Variants in ALCAM observed in about 807,000 individuals in gnomAD.
ALCAM encodes activated leukocyte cell adhesion molecule.
A neutral mutation model predicts 70.9 loss-of-function variants in ALCAM; 30 were observed. The observed-to-expected ratio is 0.42, with a 90% CI of 0.32 to 0.57. ALCAM has a LOEUF of 0.57. Among genes scored for constraint, ALCAM ranks in the 20% least tolerant of loss-of-function variants. The probability of loss-of-function intolerance (pLI) is 0.11; values close to 1 mark genes in which losing one functional copy is unlikely to be tolerated. For synonymous variants in ALCAM, 249 were observed against 242.5 expected (o/e 1.03, Z -0.25); for missense variants, 591 against 695.1 (o/e 0.85, Z 1.68).
intron 1 of ALCAM, among the ~76,000 whole-genome samples, chr3:105,489,386 TTATG>T (rs1338409263): frequency 1.3e-5 from 2 of 152,156 alleles, no homozygotes; most frequent in East Asian, 3.8e-4. Flanking sequence ...AAAAGCAAAT[TTATG>T]TATACCATAA....
At chr3:105,499,718 T>A (rs984210468) in intron 1 of ALCAM, among the ~76,000 whole-genome samples, 1 of 152,198 alleles carries the variant, frequency 6.6e-6, no homozygotes, top group Non-Finnish European at 1.5e-5. Flanking sequence ...GGGTAAACAT[T>A]AGCAGGGATG....
At chr3:105,498,706 T>TG (rs1938834880) in intron 1 of ALCAM, among the ~76,000 whole-genome samples, 1 of 152,176 alleles carries the variant, frequency 6.6e-6, no homozygotes, top group African/African-American at 2.4e-5. Context: ...AGGAATCTAG[T>TG]AAAACATTCC....
chr3:105,548,772 G>T (rs1940315803), intron 11 of ALCAM, among the ~76,000 whole-genome samples: 2 of 151,480 alleles, frequency 1.3e-5, no homozygotes, highest in Non-Finnish European at 3.0e-5. Context: ...CAGTTTTCTT[G>T]ATTTGGAATA....
chr3:105,443,284 AT>A (rs919397161), intron 1 of ALCAM, among the ~76,000 whole-genome samples: 1 of 152,032 alleles, frequency 6.6e-6, no homozygotes, highest in Non-Finnish European at 1.5e-5. Flanking sequence ...TAAATTATAT[AT>A]TTTTTCTAAC....
chr3:105,495,450 A>C (rs200511005), intron 1 of ALCAM, among the ~76,000 whole-genome samples: 3 of 151,032 alleles, frequency 2.0e-5, no homozygotes, highest in Non-Finnish European at 4.4e-5. Context: ...CAAAAAAAAA[A>C]CAAAACAAAA....
At chr3:105,396,079 A>C (rs73177488) in intron 1 of ALCAM, among the ~76,000 whole-genome samples, 38,828 of 151,814 alleles carry the variant, frequency 0.26, 5,219 homozygotes, top group African/African-American at 0.33. Context: ...AATAAAGTAG[A>C]CTGGGCAAGC....
chr3:105,505,480 T>C (rs907735523), intron 1 of ALCAM, among the ~76,000 whole-genome samples: 2 of 152,150 alleles, frequency 1.3e-5, no homozygotes, highest in African/African-American at 4.8e-5. Context: ...CAGGCCCCTC[T>C]TCCAGCATTG....
intron 1 of ALCAM, among the ~76,000 whole-genome samples, chr3:105,429,103 T>A (rs1423003773): frequency 6.6e-6 from 1 of 151,994 alleles, no homozygotes; most frequent in Non-Finnish European, 1.5e-5. Context: ...CCATTTAAAA[T>A]TTTTTAAACT....
intron 1 of ALCAM, among the ~76,000 whole-genome samples, chr3:105,463,503 G>GTATGTTAAA (rs1212048310): frequency 2.5e-4 from 38 of 151,364 alleles, no homozygotes; most frequent in Non-Finnish European, 4.9e-4. Context: ...ACTTTCTTAA[G>GTATGTTAAA]GCATTTTGGT....
chr3:105,448,449 A>G (rs1937347149), intron 1 of ALCAM, among the ~76,000 whole-genome samples: 1 of 151,366 alleles, frequency 6.6e-6, no homozygotes, highest in Non-Finnish European at 1.5e-5. Flanking sequence ...TTTTTCAGCC[A>G]ACAGCTCTGT....
At chr3:105,568,189 A>T (rs1405876683) in intron 14 of ALCAM, among the ~76,000 whole-genome samples, 1 of 151,576 alleles carries the variant, frequency 6.6e-6, no homozygotes, top group East Asian at 1.9e-4. Flanking sequence ...CAGCCTCCCA[A>T]GTAGCTGGGA....
Position 105,489,524 on chromosome 3 carries a change from A to G in ALCAM, c.74-30543A>G, listed in dbSNP as rs79501684. ...TAGTTATGATCACATATCATCAAAA[A>G]TAGGATAGATTATATTCAACATATT... On this transcript the variant is annotated intron_variant, in intron 1 of 15. Coordinates refer to ENST00000306107, the MANE Select transcript of ALCAM (RefSeq NM_001627.4). Among the ~76,000 whole-genome samples, 1,354 of 152,326 alleles carry G rather than the reference A, an allele frequency of 8.9e-3. 16 individuals carry two copies. Among genetic ancestry groups the G allele is most frequent in the African/African-American group, 0.015 (612 of 41,578 alleles).
rs550514557 is a variant in ALCAM at position 105,396,604 on chromosome 3, G to A, written c.73+29123G>A. On this transcript the variant is annotated intron_variant, in intron 1 of 15. Coordinates refer to ENST00000306107, the MANE Select transcript of ALCAM (RefSeq NM_001627.4). Reference sequence around the variant, plus strand: ...ATTAATTTCTAGTAGATTTAATGAAGTTTTGGACATTCTTCAGCAATATCT... The same window carrying A: ...ATTAATTTCTAGTAGATTTAATGAAATTTTGGACATTCTTCAGCAATATCT... 3.3e-5 allele frequency among the ~76,000 whole-genome samples: 5 copies of A among 152,100 alleles called. No individual in the cohort carries two copies. The South Asian group carries it at 1.0e-3, about 32-fold the overall frequency.
At position 105,369,448 on chromosome 3, in the gene ALCAM, G is replaced by A. The variant is rs934298806; in HGVS notation, c.73+1967G>A. On this transcript the variant is annotated intron_variant, in intron 1 of 15. Transcript: ENST00000306107. ...AATCTGAGGATCCGATATCGGCCCT[G>A]GACCCTCAGATCCGTGGTTTCGGTG... is the stretch of plus-strand genomic sequence containing the variant. Among the ~76,000 whole-genome samples the A allele has an allele frequency of 2.0e-5, 3 of 152,296 alleles. No homozygotes were observed. The South Asian group carries it at 6.2e-4, about 32-fold the overall frequency.
At chr3:105,465,316 T>C (rs1937686056) in intron 1 of ALCAM, among the ~76,000 whole-genome samples, 1 of 151,452 alleles carries the variant, frequency 6.6e-6, no homozygotes, top group Non-Finnish European at 1.5e-5. Context: ...ACATGACCTT[T>C]TTCAGAAAAT....
chr3:105,461,874 T>C (rs2152598014), intron 1 of ALCAM, among the ~76,000 whole-genome samples: 1 of 151,798 alleles, frequency 6.6e-6, no homozygotes. Flanking sequence ...TAAGGTACAG[T>C]ATATGTTAAT....
intron 1 of ALCAM, among the ~76,000 whole-genome samples, chr3:105,369,906 C>G (rs1424697985): frequency 2.6e-5 from 4 of 152,074 alleles, no homozygotes. Flanking sequence ...AGTGTGTGTT[C>G]AACATCCGAG....
At chr3:105,555,757 A>G (rs1374670941) in intron 14 of ALCAM, among the ~76,000 whole-genome samples, 1 of 152,002 alleles carries the variant, frequency 6.6e-6, no homozygotes. Flanking sequence ...ATTTTCAAAA[A>G]TGGAAAACTG....
chr3:105,475,984 A>G (rs551044542), intron 1 of ALCAM, among the ~76,000 whole-genome samples: 5 of 151,954 alleles, frequency 3.3e-5, no homozygotes, highest in East Asian at 1.9e-4. Flanking sequence ...CTCATTTTCT[A>G]TGCATACCTT....
Sources: gnomAD v4.1 joint callset for allele counts (sites outside exome capture counted in the v4.1 genomes callset) on GRCh38, gnomAD v4.1.1 for gene constraint, MANE v1.5 for transcripts, NCBI Gene and HGNC (gene_info 2026-07-23, HGNC 2026-07-21) for gene names.